Variants in POLDIP3 observed in about 807,000 individuals in gnomAD.
POLDIP3 encodes DNA polymerase delta interacting protein 3, also known as polymerase delta-interacting protein 3.
In POLDIP3, 14 loss-of-function variants were observed where a neutral mutation model predicts 45.1. The observed-to-expected ratio is 0.31, with a 90% CI of 0.20 to 0.49. POLDIP3 has a LOEUF of 0.49. Ranked by LOEUF, POLDIP3 falls within the 20% of genes least tolerant of loss-of-function variation. The pLI is 0.99. For missense variants in POLDIP3, 511 were observed against 538.8 expected, an observed-to-expected ratio of 0.95 and a Z score of 0.51; for synonymous variants, 223 against 205.2, an observed-to-expected ratio of 1.09 and a Z score of -0.74.
Position 42,591,070 on chromosome 22 carries a change from AAAAAAT to A in POLDIP3, c.1021+879_1021+884del, listed in dbSNP as rs1267995533. On this transcript the variant is annotated intron_variant, in intron 7 of 8. Coordinates refer to ENST00000252115, the MANE Select transcript of POLDIP3 (RefSeq NM_032311.5). ...GCCTGGGCAACAGAGAGAAACTCAA[AAAAAAT>A]AAAAAAATAAAAAAATAATAAAAAA... Among the ~76,000 whole-genome samples, 24 of 111,854 alleles carry A rather than the reference AAAAAAT, an allele frequency of 2.1e-4. No homozygotes were observed. The East Asian group carries it at 6.9e-3, about 32-fold the overall frequency. 73.4% of individuals were successfully genotyped at this position (111,854 alleles called of 152,430 possible).
intron 1 of POLDIP3, among the ~76,000 whole-genome samples, chr22:42,610,352 G>T (rs2146837652): frequency 6.6e-6 from 1 of 152,096 alleles, no homozygotes; most frequent in East Asian, 1.9e-4. Flanking sequence ...TCAGTACCAG[G>T]ACCAGAGTCC....
At chr22:42,587,776 C>A (rs2071842) in intron 7 of POLDIP3, among the ~76,000 whole-genome samples, 15,264 of 152,164 alleles carry the variant, frequency 0.1, 965 homozygotes, top group Admixed American at 0.17. Context: ...AGCAGTGGAG[C>A]ACCAAGAGGC....
chr22:42,591,511 T>C (rs1237933540), intron 7 of POLDIP3, among the ~76,000 whole-genome samples: 2 of 152,224 alleles, frequency 1.3e-5, no homozygotes, highest in African/African-American at 2.4e-5. Context: ...CTCTACAGGC[T>C]GTCTGGAGAT....
At position 42,585,340 on chromosome 22, in the gene POLDIP3, G is replaced by C. The variant is rs1925235845; in HGVS notation, c.*451C>G. 1 of 470,508 alleles carries C rather than the reference G, an allele frequency of 2.1e-6. No individual in the cohort carries two copies. Among genetic ancestry groups the C allele is most frequent in the South Asian group, 1.5e-5 (1 of 65,200 alleles). 29.1% of individuals were successfully genotyped at this position (470,508 alleles called of 1,614,324 possible). A position where few individuals can be genotyped will look rare whatever the true frequency, so the allele number is the denominator to read the frequency against. ...ACCTGGCTCCCGTCAGGACACCAGG[G>C]CTCTCCATCCCCTCCATTGTTTGAA... On this transcript the variant is annotated 3_prime_UTR_variant, in exon 9 of 9. Coordinates refer to ENST00000252115, the MANE Select transcript of POLDIP3 (RefSeq NM_032311.5).
intron 3 of POLDIP3, among the ~76,000 whole-genome samples, chr22:42,601,207 G>A (rs1028813997): frequency 6.6e-6 from 1 of 151,448 alleles, no homozygotes; most frequent in Non-Finnish European, 1.5e-5. Flanking sequence ...TAAGCACATA[G>A]AACTTTTATT....
chr22:42,600,599 C>T (rs1248899039), intron 3 of POLDIP3, among the ~76,000 whole-genome samples: 4 of 150,422 alleles, frequency 2.7e-5, no homozygotes, highest in Admixed American at 1.3e-4. Context: ...GCACTCCAGT[C>T]TGAGTGACAG....
At chr22:42,595,391 T>C in intron 6 of POLDIP3, 146 bp downstream of exon 6, 1 of 712,380 alleles carries the variant, frequency 1.4e-6, no homozygotes, top group Non-Finnish European at 2.4e-6. Context: ...CTGCATCCTT[T>C]TGCTGTCATT....
At chr22:42,597,590 T>G in intron 4 of POLDIP3, 1 of 411,746 alleles carries the variant, frequency 2.4e-6, no homozygotes, top group Non-Finnish European at 5.0e-6. Context: ...TAATCAACAG[T>G]ACCCATCTCA....
chr22:42,610,694 G>T (rs918635270), intron 1 of POLDIP3, among the ~76,000 whole-genome samples: 1 of 152,198 alleles, frequency 6.6e-6, no homozygotes, highest in African/African-American at 2.4e-5. Context: ...CTTGAGTCCA[G>T]GAGTTCGAAA....
rs757683900 is a variant in POLDIP3, at chr22:42,585,168, T to TA, written c.*622dup. Reference sequence around the variant, plus strand: ...CGGGACTCCAAGCCAAGAGCTTAGATAGACTCTTCCCAGCGGTGCAGCCTC... The same window carrying TA: ...CGGGACTCCAAGCCAAGAGCTTAGATAAGACTCTTCCCAGCGGTGCAGCCTC... On this transcript the variant is annotated 3_prime_UTR_variant, in exon 9 of 9. Transcript: ENST00000252115. The TA allele has an allele frequency of 2.1e-6, 1 of 469,364 alleles. No homozygotes were observed. Among genetic ancestry groups the TA allele is most frequent in the Non-Finnish European group, 4.2e-6 (1 of 235,390 alleles). 29.1% of individuals were successfully genotyped at this position (469,364 alleles called of 1,614,324 possible).
rs113251689 is a variant in POLDIP3 at position 42,601,938 on chromosome 22, T to TTC, written c.537+30_537+31dup. 3.5e-3 allele frequency: 5,554 copies of TTC among 1,565,994 alleles called. 4 individuals are homozygous for TTC. The highest frequency in any genetic ancestry group is 4.7e-3 in the Admixed American group (275 of 58,362). On this transcript the variant is annotated intron_variant, in intron 3 of 8. Coordinates refer to ENST00000252115, the MANE Select transcript of POLDIP3 (RefSeq NM_032311.5). Reference sequence around the variant, plus strand: ...TACATGTTCGCTATGTACACACAGATTCTCTCTCTCTCTCTCACTCACTCA... The same window carrying TTC: ...TACATGTTCGCTATGTACACACAGATTCTCTCTCTCTCTCTCTCACTCACTCA...
Position 42,585,892 on chromosome 22 carries a change from G to T in POLDIP3, c.1165C>A (p.Pro389Thr), listed in dbSNP as rs201431591. 5 of 1,613,310 alleles carry T rather than the reference G, an allele frequency of 3.1e-6. No homozygotes were observed. Among genetic ancestry groups the T allele is most frequent in the African/African-American group, 1.3e-5 (1 of 74,872 alleles). Residue 389 changes from proline (P) to threonine (T), a missense_variant, in exon 9 of 9, where the codon CCC becomes ACC. By Grantham distance (38) the Pro-to-Thr change is conservative. Around this residue, in one of 4 missense-constraint regions of POLDIP3, gnomAD observed 45 missense variants for 34.3 expected, o/e 1.31. Transcript: ENST00000252115. ...RRVNSASSSN[P>T]PAEVDPDTIL... ...GTGTCAGGGTCCACTTCGGCAGGGG[G>T]GTTGGAGGAGGAGGCAGAGTTCACC... is the stretch of plus-strand genomic sequence containing the variant.
At chr22:42,593,448 G>A (rs1410655192) in intron 6 of POLDIP3, among the ~76,000 whole-genome samples, 2 of 152,210 alleles carry the variant, frequency 1.3e-5, no homozygotes, top group Admixed American at 1.3e-4. Flanking sequence ...TCTTCCAAGA[G>A]TCTGCCTAAA....
At chr22:42,597,194 C>T (rs1461967059) in intron 4 of POLDIP3, among the ~76,000 whole-genome samples, 2 of 152,186 alleles carry the variant, frequency 1.3e-5, no homozygotes, top group African/African-American at 4.8e-5. Context: ...CAAAACTCCC[C>T]TGTATTAATG....
In POLDIP3 at chr22:42,585,933, C is replaced by T. The variant is rs770581118; in HGVS notation, c.1124G>A (p.Ser375Asn). The change falls in exon 9 of 9, where the codon AGC (serine) becomes AAC (asparagine). Residue 375 changes from serine to asparagine, a missense_variant. By Grantham distance (46) the Ser-to-Asn change is conservative. Coordinates refer to ENST00000252115, the MANE Select transcript of POLDIP3 (RefSeq NM_032311.5). ...AGAGTTCACCCTGCGAGGCAGCTCG[C>T]TCTCCTTTTTCATTGATGGGCTGTC... The part of the protein sequence containing the change: ...LSDSPSMKKE[S>N]ELPRRVNSAS... 1 of 1,613,338 alleles carries T rather than the reference C, an allele frequency of 6.2e-7. No homozygotes were observed.
intron 7 of POLDIP3, among the ~76,000 whole-genome samples, chr22:42,591,326 G>A (rs1925658793): frequency 1.3e-5 from 2 of 152,108 alleles, no homozygotes; most frequent in Non-Finnish European, 2.9e-5. Context: ...GTTCACCCAG[G>A]TGCCAAGATT....
rs559289070 is a variant in POLDIP3 at position 42,612,087 on chromosome 22, G to C, written c.59+2712C>G. On this transcript the variant is annotated intron_variant, in intron 1 of 8. Coordinates refer to ENST00000252115, the MANE Select transcript of POLDIP3 (RefSeq NM_032311.5). ...CAGGTTCTTCCATGCTAGTCTCTCT[G>C]CCTGCACTCTTTGCCCCAATCCAAT... 5.3e-5 allele frequency among the ~76,000 whole-genome samples: 8 copies of C among 152,204 alleles called. No individual in the cohort carries two copies. The East Asian group carries it at 1.5e-3, about 29-fold the overall frequency.
chr22:42,605,126 A>AGTTTTGTTTT (rs201420055), intron 1 of POLDIP3, among the ~76,000 whole-genome samples: 10 of 152,002 alleles, frequency 6.6e-5, no homozygotes, highest in Non-Finnish European at 1.5e-4. Flanking sequence ...TCTTTTCTTC[A>AGTTTTGTTTT]GTTTTGTTTT....
At chr22:42,614,233 G>C (rs532357025) in intron 1 of POLDIP3, among the ~76,000 whole-genome samples, 2 of 152,308 alleles carry the variant, frequency 1.3e-5, no homozygotes, top group African/African-American at 2.4e-5. Flanking sequence ...CAGACAACAG[G>C]ACTGTAAAAG....
Sources: gnomAD v4.1 joint callset for allele counts (sites outside exome capture counted in the v4.1 genomes callset) on GRCh38, gnomAD v4.1.1 for gene constraint, gnomAD v4.1.1 regional missense constraint, MANE v1.5 for transcripts, NCBI Gene and HGNC (gene_info 2026-07-23, HGNC 2026-07-21) for gene names.